Variants in DMD observed in about 807,000 individuals in gnomAD.
The protein encoded by DMD is mutant dystrophin.
A neutral mutation model predicts 330.1 loss-of-function variants in DMD; 63 were observed. The ratio of observed to expected loss-of-function variants is 0.19; its 90% CI spans 0.16 to 0.24. The LOEUF is 0.24. DMD is among the 10% of genes least tolerant of loss of function. The probability of loss-of-function intolerance (pLI) is 1.00; values close to 1 mark genes in which losing one functional copy is unlikely to be tolerated. For synonymous variants in DMD, 1,223 were observed against 959.8 expected, an observed-to-expected ratio of 1.27 and a Z score of -5.07; for missense variants, 3,344 against 2,684.1, an observed-to-expected ratio of 1.25 and a Z score of -5.43.
rs1349599588 is a variant in DMD at position 32,491,424 on chromosome X, C to A, written c.2475G>T (p.Trp825Cys). 2 of 1,209,760 alleles carry A rather than the reference C, an allele frequency of 1.7e-6. No individual in the cohort carries two copies. Among genetic ancestry groups the A allele is most frequent in the East Asian group, 3.0e-5 (1 of 33,785 alleles). Residue 825 changes from tryptophan to cysteine, a missense_variant, in exon 20 of 79, where the codon TGG becomes TGT. Coordinates refer to ENST00000357033, the MANE Select transcript of DMD (RefSeq NM_004006.3). The stretch of plus-strand genomic sequence containing the variant: ...CGATGATGTTGTTCTGATACTCCAG[C>A]CAGTTAAGTCTCTCACTTAGCAACT... ...FCQLLSERLN[W>C]LEYQNNIIAF...
chrX:31,531,922 G>T (rs2073872725), intron 55 of DMD, among the ~76,000 whole-genome samples: 1 of 86,132 alleles, frequency 1.2e-5, no homozygotes, highest in Non-Finnish European at 2.2e-5. Context: ...AAGCGAGAAG[G>T]GAAGTTTAGA....
intron 3 of DMD, among the ~76,000 whole-genome samples, 161 bp downstream of exon 3, chrX:32,849,567 G>A (rs1477316211): frequency 1.8e-5 from 2 of 111,496 alleles, no homozygotes; most frequent in Middle Eastern, 4.2e-3. Flanking sequence ...GGTAGAGTAT[G>A]CCAAATGAAA....
intron 2 of DMD, among the ~76,000 whole-genome samples, chrX:32,997,042 T>C (rs1333840996): frequency 1.8e-5 from 2 of 111,613 alleles, no homozygotes; most frequent in Non-Finnish European, 3.8e-5. Context: ...TACAGTGTAG[T>C]TTTGTTACAT....
intron 1 of DMD, among the ~76,000 whole-genome samples, chrX:33,246,622 C>T (rs2052666842): frequency 9.0e-6 from 1 of 111,613 alleles, no homozygotes; most frequent in Admixed American, 9.5e-5. Context: ...AAGAATCATT[C>T]TCTCAGGCAT....
At chrX:31,271,279 A>G (rs2051609147) in intron 62 of DMD, among the ~76,000 whole-genome samples, 1 of 111,603 alleles carries the variant, frequency 9.0e-6, no homozygotes, top group Admixed American at 9.5e-5. Context: ...TCCAAGAGAC[A>G]GTTGGACATC....
chrX:33,117,240 G>A (rs1045727319), intron 1 of DMD, among the ~76,000 whole-genome samples: 4 of 111,176 alleles, frequency 3.6e-5, no homozygotes, highest in African/African-American at 1.3e-4. Flanking sequence ...AATGCTGGTC[G>A]AAGGATAGAA....
intron 45 of DMD, among the ~76,000 whole-genome samples, chrX:31,961,062 G>A (rs1449317193): frequency 8.9e-6 from 1 of 112,369 alleles, no homozygotes; most frequent in African/African-American, 3.2e-5. Flanking sequence ...TTGAGATACA[G>A]TGAGAGTAGG....
chrX:33,158,449 G>T (rs768599861), intron 1 of DMD, among the ~76,000 whole-genome samples: 2 of 111,040 alleles, frequency 1.8e-5, no homozygotes, highest in Non-Finnish European at 3.8e-5. Flanking sequence ...GTCCCCTCAG[G>T]CCTGTCCTAG....
intron 59 of DMD, among the ~76,000 whole-genome samples, chrX:31,452,562 A>T: frequency 8.9e-6 from 1 of 112,119 alleles, no homozygotes; most frequent in Non-Finnish European, 1.9e-5. Context: ...CAGCCTGGGC[A>T]ACAAGAGCAA....
At chrX:31,855,219 T>C (rs1269577776) in intron 48 of DMD, among the ~76,000 whole-genome samples, 2 of 111,987 alleles carry the variant, frequency 1.8e-5, no homozygotes, top group Non-Finnish European at 1.9e-5. Context: ...CTAACCATCA[T>C]GGCATGTTTC....
At chrX:32,401,857 T>A (rs1050280720) in intron 30 of DMD, among the ~76,000 whole-genome samples, 5 of 112,420 alleles carry the variant, frequency 4.4e-5, no homozygotes, top group African/African-American at 1.6e-4. Flanking sequence ...CTACAAACAT[T>A]GAAAATAGAA....
intron 60 of DMD, 113 bp downstream of exon 60, chrX:31,444,368 A>C: frequency 2.3e-6 from 2 of 870,019 alleles, no homozygotes; most frequent in Admixed American, 4.7e-5. Flanking sequence ...TCCTATCCTC[A>C]CAAATATTAC....
At chrX:32,488,162 A>C (rs1431601724) in intron 20 of DMD, among the ~76,000 whole-genome samples, 2 of 112,162 alleles carry the variant, frequency 1.8e-5, no homozygotes, top group Non-Finnish European at 3.8e-5. Flanking sequence ...AAATCATAGA[A>C]GAGATACTTT....
intron 54 of DMD, among the ~76,000 whole-genome samples, chrX:31,651,699 T>A (rs2080464622): frequency 9.0e-6 from 1 of 111,374 alleles, no homozygotes; most frequent in East Asian, 2.8e-4. Context: ...CTTGACTCTT[T>A]CTCTCACACC....
intron 48 of DMD, among the ~76,000 whole-genome samples, chrX:31,842,836 C>G: frequency 9.0e-6 from 1 of 111,144 alleles, no homozygotes; most frequent in Non-Finnish European, 1.9e-5. Context: ...TAGTGCGCAC[C>G]GTATCTAATA....
intron 51 of DMD, among the ~76,000 whole-genome samples, chrX:31,752,351 G>A (rs985997892): frequency 9.9e-5 from 11 of 110,853 alleles, no homozygotes; most frequent in Non-Finnish European, 2.1e-4. Context: ...GGGTGGGTTC[G>A]GTACTATGTG....
chrX:32,096,015 C>G lies in DMD; in HGVS notation c.6438+120901G>C, dbSNP rs1305694203. On this transcript the variant is annotated intron_variant, in intron 44 of 78. Transcript: ENST00000357033. ...TGGTGTGCTGCACCCATTAACTCGT[C>G]ATTTACCATTAGGTAAGTTTTTAAG... Among the ~76,000 whole-genome samples, 3 of 111,480 alleles carry G rather than the reference C, an allele frequency of 2.7e-5. No homozygotes were observed. In the East Asian group the frequency reaches 8.4e-4, roughly 31 times the overall value.
intron 74 of DMD, among the ~76,000 whole-genome samples, chrX:31,168,547 G>A (rs1049493836): frequency 9.0e-6 from 1 of 111,620 alleles, no homozygotes; most frequent in African/African-American, 3.3e-5. Flanking sequence ...GCATACTCCC[G>A]AGGGCACTGA....
chrX:32,731,637 C>A (rs746491678), intron 7 of DMD, among the ~76,000 whole-genome samples: 9 of 112,172 alleles, frequency 8.0e-5, no homozygotes, highest in East Asian at 2.8e-4. Context: ...GGGAGGCACT[C>A]CCCAAAAGGG....
Sources: allele counts gnomAD v4.1 joint callset (sites outside exome capture counted in the v4.1 genomes callset), GRCh38; gene constraint gnomAD v4.1.1; transcripts MANE v1.5; gene names NCBI Gene and HGNC (gene_info 2026-07-23, HGNC 2026-07-21).